GBF1: variants seen among roughly 807,000 people sequenced by gnomAD.
GBF1 encodes the protein golgi brefeldin A resistant guanine nucleotide exchange factor 1.
Under a neutral mutation model 210.5 loss-of-function variants are expected in GBF1, and 114 were observed. The observed-to-expected ratio is 0.54, with a 90% CI of 0.47 to 0.63. The LOEUF is 0.63. GBF1 is among the 30% of genes least tolerant of loss of function. The pLI, the probability that GBF1 is intolerant of heterozygous loss-of-function variation, is 0.00. For missense variants in GBF1, 1,851 were observed against 2,357.7 expected, an observed-to-expected ratio of 0.79 and a Z score of 4.45; for synonymous variants, 850 against 889.2, an observed-to-expected ratio of 0.96 and a Z score of 0.78.
intron 3 of GBF1, among the ~76,000 whole-genome samples, chr10:102,268,349 A>G (rs1473753044): frequency 6.6e-6 from 1 of 152,224 alleles, no homozygotes; most frequent in Non-Finnish European, 1.5e-5. Context: ...GGAATTGTGT[A>G]AAAAGAGGGA....
intron 3 of GBF1, among the ~76,000 whole-genome samples, chr10:102,263,288 A>G (rs191062199): frequency 6.6e-6 from 1 of 152,330 alleles, no homozygotes; most frequent in African/African-American, 2.4e-5. Flanking sequence ...GAGGCTGGGA[A>G]AGGGTTTTTA....
Position 102,366,521 on chromosome 10 carries a change from C to CG in GBF1, c.2433+15_2433+16insG. Reference sequence around the variant, plus strand: ...AGCGTTGGATGGTGAGTTTGAGTGTCAGGGGCTGAGCCCAGGATCCAAGGT... The same window carrying CG: ...AGCGTTGGATGGTGAGTTTGAGTGTCGAGGGGCTGAGCCCAGGATCCAAGGT... On this transcript the variant is annotated intron_variant, in intron 19 of 39. Coordinates refer to ENST00000369983, the MANE Select transcript of GBF1 (RefSeq NM_001377137.1). This position sits in a 1 kb window ranked among gnomAD's most constrained non-coding sequence, Gnocchi z 4.0. 1.9e-6 allele frequency: 3 copies of CG among 1,610,546 alleles called. No homozygotes were observed. The highest frequency in any genetic ancestry group is 2.5e-6 in the Non-Finnish European group (3 of 1,178,032).
the GBF1 span, among the ~76,000 whole-genome samples, chr10:102,237,957 C>CA: frequency 6.6e-6 from 1 of 151,596 alleles, no homozygotes; most frequent in East Asian, 1.9e-4. Flanking sequence ...AGGGGTGTGA[C>CA]AAAAAACAGC....
intron 3 of GBF1, among the ~76,000 whole-genome samples, chr10:102,296,357 TTC>T (rs1459439440): frequency 6.6e-6 from 1 of 152,238 alleles, no homozygotes; most frequent in African/African-American, 2.4e-5. Context: ...GAGATTTGTC[TTC>T]TCTCTTTTTG....
At chr10:102,247,430 T>C (rs1189863629) in intron 1 of GBF1, among the ~76,000 whole-genome samples, 1 of 152,126 alleles carries the variant, frequency 6.6e-6, no homozygotes, top group African/African-American at 2.4e-5. Flanking sequence ...AAGAAAGTAG[T>C]TGAACGCAGC....
intron 3 of GBF1, among the ~76,000 whole-genome samples, chr10:102,342,409 T>G (rs188882062): frequency 6.8e-6 from 1 of 146,460 alleles, no homozygotes; most frequent in South Asian, 2.1e-4. Context: ...ACACACACAC[T>G]CACACACAGA....
chr10:102,305,175 T>TTGTG lies in GBF1; in HGVS notation c.164-38834_164-38831dup, dbSNP rs60026956. Among the ~76,000 whole-genome samples, 1,194 of 139,724 alleles carry TTGTG rather than the reference T, an allele frequency of 8.5e-3. 12 individuals are homozygous for TTGTG. Among genetic ancestry groups the TTGTG allele is most frequent in the African/African-American group, 0.024 (892 of 37,306 alleles). 91.7% of individuals were successfully genotyped at this position (139,724 alleles called of 152,430 possible). On this transcript the variant is annotated intron_variant, in intron 3 of 39. Transcript: ENST00000369983. ...GAACCTTCTGAAATTATATGCAGAT[T>TTGTG]TGTGTGTGTGTGTGTGTGTGTGTGT...
intron 3 of GBF1, among the ~76,000 whole-genome samples, chr10:102,276,525 C>CAAA (rs67888654): frequency 8.8e-6 from 1 of 113,562 alleles, no homozygotes; most frequent in Non-Finnish European, 1.8e-5. Context: ...GACTCTGCCT[C>CAAA]AAAAAAAAAA....
At chr10:102,306,048 A>C (rs796345971) in intron 3 of GBF1, among the ~76,000 whole-genome samples, 7 of 151,994 alleles carry the variant, frequency 4.6e-5, no homozygotes, top group African/African-American at 1.7e-4. Context: ...CAAGGTTACT[A>C]TATATATATA....
chr10:102,367,574 G>A lies in GBF1; in HGVS notation c.2642+14G>A, dbSNP rs1250810034. 1 of 1,371,334 alleles carries A rather than the reference G, an allele frequency of 7.3e-7. No individual in the cohort carries two copies. The highest frequency in any genetic ancestry group is 2.3e-5 in the East Asian group (1 of 43,848). The allele number at this position is 1,371,334 out of a possible 1,614,324, so 84.9% of individuals were successfully genotyped here. On this transcript the variant is annotated intron_variant, in intron 21 of 39. Coordinates refer to ENST00000369983, the MANE Select transcript of GBF1 (RefSeq NM_001377137.1). ...CCATGCCATCAAGTGAGTATACATAGAGAATAGTGCAGTATCTCTGTTAAG... is the reference window on the plus strand; with the variant it reads ...CCATGCCATCAAGTGAGTATACATAAAGAATAGTGCAGTATCTCTGTTAAG...
chr10:102,231,037 C>T, the GBF1 span: 2 of 1,592,748 alleles, frequency 1.3e-6, no homozygotes, highest in South Asian at 1.1e-5. Flanking sequence ...GCTGCCTTTG[C>T]ATAGCTCGGC....
At chr10:102,235,155 A>G in the GBF1 span, among the ~76,000 whole-genome samples, 4 of 140,710 alleles carry the variant, frequency 2.8e-5, no homozygotes, top group Non-Finnish European at 6.1e-5. Flanking sequence ...GGAGCTAGCC[A>G]TTATTACCCT....
intron 12 of GBF1, 44 bp downstream of exon 12, chr10:102,360,439 C>G: frequency 7.7e-7 from 1 of 1,293,822 alleles, no homozygotes; most frequent in Non-Finnish European, 1.1e-6. Context: ...CTTTCAAGGG[C>G]CAGGGGAACA....
chr10:102,258,943 T>C lies in GBF1; in HGVS notation c.5T>C (p.Val2Ala), dbSNP rs1345217592. The C allele has an allele frequency of 6.3e-7, 1 of 1,585,026 alleles. No individual in the cohort carries two copies. The highest frequency in any genetic ancestry group is 1.3e-5 in the African/African-American group (1 of 74,494). ...TGTTTTGGTAGGTTTGCCAAGATGG[T>C]GGATAAGAATATTTACATCATTCAA... MVDKNIYIIQGE... is the reference protein window; with the variant it reads MADKNIYIIQGE... Residue 2 changes from valine (V) to alanine (A), a missense_variant, in exon 2 of 40, where the codon GTG becomes GCG. Physicochemically the swap from Val to Ala is moderately conservative, Grantham distance 64. This residue lies in a region of GBF1 where 804 missense variants were observed against 958.6 expected (regional missense o/e 0.84). Coordinates refer to ENST00000369983, the MANE Select transcript of GBF1 (RefSeq NM_001377137.1).
chr10:102,319,181 G>C (rs144376612), intron 3 of GBF1, among the ~76,000 whole-genome samples: 1 of 152,158 alleles, frequency 6.6e-6, no homozygotes, highest in Non-Finnish European at 1.5e-5. Context: ...TTAGCCGGGC[G>C]TGGTGGCAGG....
chr10:102,362,112 A>G (rs1322598671), intron 14 of GBF1, among the ~76,000 whole-genome samples, 200 bp downstream of exon 14: 1 of 126,422 alleles, frequency 7.9e-6, no homozygotes, highest in Non-Finnish European at 1.5e-5. Flanking sequence ...GCTGGAGTGC[A>G]GTGGCGCGAT....
At chr10:102,252,857 AAG>A (rs2071754451) in intron 1 of GBF1, among the ~76,000 whole-genome samples, 1 of 151,996 alleles carries the variant, frequency 6.6e-6, no homozygotes, top group Non-Finnish European at 1.5e-5. Flanking sequence ...AAAAAAAAAA[AAG>A]GAACTTTTTA....
chr10:102,331,406 T>G (rs2057324389), intron 3 of GBF1, among the ~76,000 whole-genome samples: 1 of 152,098 alleles, frequency 6.6e-6, no homozygotes, highest in South Asian at 2.1e-4. Context: ...TTTCAGACTT[T>G]AAATGTAACC....
intron 3 of GBF1, among the ~76,000 whole-genome samples, chr10:102,342,283 C>T (rs866959131): frequency 1.3e-5 from 2 of 151,928 alleles, no homozygotes; most frequent in East Asian, 1.9e-4. Flanking sequence ...GTGATGCGCC[C>T]GCCTCGGCCT....
Sources: allele counts gnomAD v4.1 joint callset (sites outside exome capture counted in the v4.1 genomes callset), GRCh38; gene constraint gnomAD v4.1.1; regional missense constraint gnomAD v4.1.1; non-coding constraint Gnocchi (gnomAD v3.1); transcripts MANE v1.5; gene names NCBI Gene and HGNC (gene_info 2026-07-23, HGNC 2026-07-21).